Variants in APP observed in about 807,000 individuals in gnomAD.
APP encodes the protein amyloid beta precursor protein.
Under a neutral mutation model 101.4 loss-of-function variants are expected in APP, and 31 were observed. That is an observed-to-expected ratio of 0.31 (90% confidence interval 0.23 to 0.41). The LOEUF is 0.41. Among genes scored for constraint, APP ranks in the 10% least tolerant of loss-of-function variants. The pLI, the probability that APP is intolerant of heterozygous loss-of-function variation, is 1.00. For synonymous variants in APP, 366 were observed against 364.4 expected (o/e 1.00, Z -0.05); for missense variants, 839 against 1,003.7 (o/e 0.84, Z 2.22).
intron 3 of APP, among the ~76,000 whole-genome samples, chr21:26,076,908 A>C (rs1188823248): frequency 1.3e-5 from 2 of 152,058 alleles, no homozygotes; most frequent in East Asian, 3.9e-4. Context: ...CTAAAAATAC[A>C]AAAAATTAGC....
At chr21:26,041,118 G>A (rs957841216) in intron 5 of APP, among the ~76,000 whole-genome samples, 5 of 152,112 alleles carry the variant, frequency 3.3e-5, no homozygotes, top group African/African-American at 1.2e-4. Context: ...AACAAACATG[G>A]ACTTATAATT....
chr21:25,972,462 TTTCAAAACCAAAGGTATAAAAGG>T (rs2042067592), intron 11 of APP, among the ~76,000 whole-genome samples: 1 of 150,202 alleles, frequency 6.7e-6, no homozygotes, highest in South Asian at 2.1e-4. Context: ...CAAAAATATT[TTTCAAAACCAAAGGTATAAAAGG>T]GACATTTTTG....
intron 3 of APP, among the ~76,000 whole-genome samples, chr21:26,054,255 A>C (rs1454509895): frequency 2.6e-5 from 4 of 151,936 alleles, no homozygotes; most frequent in Non-Finnish European, 5.9e-5. Flanking sequence ...AATGGTGAGA[A>C]GTAGTATGCC....
At chr21:26,052,463 A>G (rs2045875568) in intron 4 of APP, among the ~76,000 whole-genome samples, 1 of 100 alleles carries the variant, frequency 0.01, no homozygotes, top group South Asian at 0.17. Context: ...ATCTTGCCAC[A>G]AATAAACCTA....
chr21:26,154,709 G>A (rs2063340608), intron 1 of APP, among the ~76,000 whole-genome samples: 1 of 152,206 alleles, frequency 6.6e-6, no homozygotes, highest in South Asian at 2.1e-4. Flanking sequence ...CAGGGACTGG[G>A]CTCTTGATCC....
At chr21:26,036,001 A>G (rs1221679722) in intron 5 of APP, among the ~76,000 whole-genome samples, 1 of 152,132 alleles carries the variant, frequency 6.6e-6, no homozygotes, top group Non-Finnish European at 1.5e-5. Flanking sequence ...CAGGGGAATT[A>G]AGAACTCTCA....
At chr21:25,937,038 A>C (rs1158844398) in intron 13 of APP, among the ~76,000 whole-genome samples, 1 of 152,052 alleles carries the variant, frequency 6.6e-6, no homozygotes, top group Non-Finnish European at 1.5e-5. Context: ...ACATGTGACA[A>C]ATGGTCAAGT....
At chr21:25,995,908 A>G (rs563459991) in intron 8 of APP, among the ~76,000 whole-genome samples, 1 of 152,156 alleles carries the variant, frequency 6.6e-6, no homozygotes, top group African/African-American at 2.4e-5. Context: ...ATCATCTTTA[A>G]AAAAGATAAC....
chr21:25,955,549 TG>T, intron 12 of APP, 77 bp downstream of exon 12: 1 of 1,606,836 alleles, frequency 6.2e-7, no homozygotes, highest in East Asian at 2.2e-5. Context: ...GGAGAATGCG[TG>T]GGATCCTGTC....
At chr21:25,912,451 G>C (rs548331197) in intron 13 of APP, among the ~76,000 whole-genome samples, 1 of 152,222 alleles carries the variant, frequency 6.6e-6, no homozygotes, top group African/African-American at 2.4e-5. Flanking sequence ...AGCATTAAAG[G>C]GCCAGTAGTT....
At chr21:26,129,705 A>G (rs987342839) in intron 1 of APP, among the ~76,000 whole-genome samples, 4 of 152,230 alleles carry the variant, frequency 2.6e-5, no homozygotes, top group Non-Finnish European at 5.9e-5. Flanking sequence ...GAACAGAAAA[A>G]GTAGAAGACA....
intron 13 of APP, among the ~76,000 whole-genome samples, chr21:25,943,877 AC>A (rs2040689199): frequency 6.6e-6 from 1 of 152,238 alleles, no homozygotes; most frequent in African/African-American, 2.4e-5. Flanking sequence ...CTATCAGAAT[AC>A]TATACTTAAA....
At chr21:26,041,861 A>G (rs2146866408) in intron 5 of APP, among the ~76,000 whole-genome samples, 1 of 151,768 alleles carries the variant, frequency 6.6e-6, no homozygotes, top group African/African-American at 2.4e-5. Context: ...GGACCTCAAA[A>G]CTGGCAGCCA....
At chr21:25,934,254 G>C (rs1442694437) in intron 13 of APP, 1 of 146,630 alleles carries the variant, frequency 6.8e-6, no homozygotes, top group Non-Finnish European at 1.5e-5. Flanking sequence ...CCTTGCTTTA[G>C]GACTTCTAAC....
intron 1 of APP, among the ~76,000 whole-genome samples, chr21:26,133,937 G>T (rs1241167280): frequency 6.6e-6 from 1 of 152,116 alleles, no homozygotes; most frequent in East Asian, 1.9e-4. Context: ...ACTTAACTTG[G>T]TTGTGACTTT....
intron 13 of APP, among the ~76,000 whole-genome samples, chr21:25,916,586 G>T (rs192010223): frequency 5.2e-4 from 79 of 152,234 alleles, no homozygotes; most frequent in Non-Finnish European, 1.8e-4. Flanking sequence ...CACTACATTA[G>T]TGGCCCTGAT....
chr21:26,136,205 A>AAG (rs758175200), intron 1 of APP, among the ~76,000 whole-genome samples: 1 of 116,984 alleles, frequency 8.5e-6, no homozygotes, highest in African/African-American at 3.6e-5. Flanking sequence ...AAGAAAGAAA[A>AAG]GAAAAGAAAG....
intron 3 of APP, among the ~76,000 whole-genome samples, chr21:26,079,855 G>A (rs1185358932): frequency 6.6e-6 from 1 of 152,198 alleles, no homozygotes; most frequent in Admixed American, 6.5e-5. Flanking sequence ...CGGGAATGGT[G>A]GCTCACGCCT....
intron 1 of APP, among the ~76,000 whole-genome samples, chr21:26,122,747 A>T (rs998335170): frequency 2.4e-4 from 36 of 151,464 alleles, no homozygotes; most frequent in African/African-American, 7.7e-4. Context: ...TTTTAATAAA[A>T]TTTTTTTATT....
Sources: gnomAD v4.1 joint callset for allele counts (sites outside exome capture counted in the v4.1 genomes callset) on GRCh38, gnomAD v4.1.1 for gene constraint, MANE v1.5 for transcripts, NCBI Gene and HGNC (gene_info 2026-07-23, HGNC 2026-07-21) for gene names.